PARD6G: variants seen among roughly 807,000 people sequenced by gnomAD.
The protein encoded by PARD6G is partitioning defective 6 homolog gamma.
PARD6G carries 7 observed loss-of-function variants against 10.7 expected under a neutral mutation model. That is an observed-to-expected ratio of 0.66 (90% CI 0.37 to 1.23). PARD6G has a LOEUF of 1.23. Among genes scored for constraint, PARD6G ranks in the 50% most tolerant of loss-of-function variants. The pLI, the probability that PARD6G is intolerant of heterozygous loss-of-function variation, is 0.02. For synonymous variants in PARD6G, 287 were observed against 269.4 expected (o/e 1.07, Z -0.64); for missense variants, 548 against 571.8 (o/e 0.96, Z 0.42).
intron 1 of PARD6G, among the ~76,000 whole-genome samples, chr18:80,222,007 A>G (rs957275376): frequency 6.6e-6 from 1 of 152,262 alleles, no homozygotes; most frequent in African/African-American, 2.4e-5. Context: ...AAACTACAGA[A>G]TATTGTTGAA....
rs2052702910 is a variant in PARD6G at position 80,161,882 on chromosome 18, A to G, written c.296-1276T>C. The stretch of plus-strand genomic sequence containing the variant: ...TTTCAGTGAGCAGGCAGGGCCCATT[A>G]TGACTTGCTTTGGAGATGGGGAATG... On this transcript the variant is annotated intron_variant, in intron 2 of 2. Coordinates refer to ENST00000353265, the MANE Select transcript of PARD6G (RefSeq NM_032510.4). The surrounding 1 kb of genome is among the most constrained non-coding windows in gnomAD (Gnocchi z 4.6). The G allele has an allele frequency of 6.6e-6, 1 of 152,290 alleles. No homozygotes were observed. Among genetic ancestry groups the G allele is most frequent in the South Asian group, 2.1e-4 (1 of 4,834 alleles). 9.4% of individuals were successfully genotyped at this position (152,290 alleles called of 1,614,324 possible). A position where few individuals can be genotyped will look rare whatever the true frequency, so the allele number is the denominator to read the frequency against.
chr18:80,200,270 G>A lies in PARD6G; in HGVS notation c.295+2440C>T, dbSNP rs1184206964. Among the ~76,000 whole-genome samples, 1 of 152,150 alleles carries A rather than the reference G, an allele frequency of 6.6e-6. No individual in the cohort carries two copies. Among genetic ancestry groups the A allele is most frequent in the Non-Finnish European group, 1.5e-5 (1 of 68,040 alleles). On this transcript the variant is annotated intron_variant, in intron 2 of 2. Transcript: ENST00000353265. The surrounding 1 kb of genome is among the most constrained non-coding windows in gnomAD (Gnocchi z 4.4). Reference sequence around the variant, plus strand: ...ACATCAGCACAGATTACTATGCAGGGAGGGTGCCTGACTGTGCACCGGAAA... The same window carrying A: ...ACATCAGCACAGATTACTATGCAGGAAGGGTGCCTGACTGTGCACCGGAAA...
chr18:80,246,607 A>G lies in PARD6G; in HGVS notation c.72+670T>C, dbSNP rs1017265071. 2.1e-3 allele frequency among the ~76,000 whole-genome samples: 19 copies of G among 9,194 alleles called. No individual in the cohort carries two copies. Among genetic ancestry groups the G allele is most frequent in the South Asian group, 0.012 (3 of 242 alleles). The allele number at this position is 9,194 out of a possible 152,430, so 6.0% of individuals were successfully genotyped here. ...GCGGGGGCGCGTCCGGAGGTGGGGG[A>G]GTCTGGGGTGGGGGCGCGCCCGTGG... On this transcript the variant is annotated intron_variant, in intron 1 of 2. Coordinates refer to ENST00000353265, the MANE Select transcript of PARD6G (RefSeq NM_032510.4). This position sits in a 1 kb window ranked among gnomAD's most constrained non-coding sequence, Gnocchi z 6.7.
Position 80,234,949 on chromosome 18 carries a change from C to T in PARD6G, c.72+12328G>A, listed in dbSNP as rs1180768068. Among the ~76,000 whole-genome samples, 10 of 151,954 alleles carry T rather than the reference C, an allele frequency of 6.6e-5. No homozygotes were observed. The South Asian group carries it at 1.0e-3, about 16-fold the overall frequency. On this transcript the variant is annotated intron_variant, in intron 1 of 2. Coordinates refer to ENST00000353265, the MANE Select transcript of PARD6G (RefSeq NM_032510.4). Reference sequence around the variant, plus strand: ...CCACTGTCAACATTAGACAGATCAACGAGACAGAAAATTAACAAGGATATC... The same window carrying T: ...CCACTGTCAACATTAGACAGATCAATGAGACAGAAAATTAACAAGGATATC...
intron 1 of PARD6G, among the ~76,000 whole-genome samples, chr18:80,232,503 GA>G (rs909363655): frequency 2.0e-5 from 3 of 151,932 alleles, no homozygotes; most frequent in Non-Finnish European, 4.4e-5. Context: ...GTGGCAGCAA[GA>G]AAAAAATGAG....
chr18:80,182,991 C>T lies in PARD6G; in HGVS notation c.295+19719G>A, dbSNP rs1195840529. On this transcript the variant is annotated intron_variant, in intron 2 of 2. Transcript: ENST00000353265. The surrounding 1 kb of genome is among the most constrained non-coding windows in gnomAD (Gnocchi z 4.5). ...CCAGTCCTCCTTCGTCCTGACGTGG[C>T]TCCCAGTGGAATGAGATGGCTGGGG... The T allele has an allele frequency of 1.1e-5, 7 of 663,002 alleles. No individual in the cohort carries two copies. The highest frequency in any genetic ancestry group is 1.9e-5 in the Non-Finnish European group (7 of 363,978). The allele number at this position is 663,002 out of a possible 1,614,324, so 41.1% of individuals were successfully genotyped here. A position where few individuals can be genotyped will look rare whatever the true frequency, so the allele number is the denominator to read the frequency against.
Position 80,199,737 on chromosome 18 carries a change from G to A in PARD6G, c.295+2973C>T, listed in dbSNP as rs542225592. 3.3e-5 allele frequency among the ~76,000 whole-genome samples: 5 copies of A among 152,270 alleles called. No individual in the cohort carries two copies. In the East Asian group the frequency reaches 9.6e-4, roughly 29 times the overall value. On this transcript the variant is annotated intron_variant, in intron 2 of 2. Coordinates refer to ENST00000353265, the MANE Select transcript of PARD6G (RefSeq NM_032510.4). Reference sequence around the variant, plus strand: ...GGCTCACTGCAACCTCTGCCTCCTGGGTTCAAGCGATTTCTCCTGCCTCAG... The same window carrying A: ...GGCTCACTGCAACCTCTGCCTCCTGAGTTCAAGCGATTTCTCCTGCCTCAG...
chr18:80,208,629 C>CA (rs1967077821), intron 1 of PARD6G, among the ~76,000 whole-genome samples: 3 of 152,084 alleles, frequency 2.0e-5, no homozygotes, highest in South Asian at 4.1e-4. Context: ...TCAAGCCAGG[C>CA]ATGGTGGTAT....
intron 2 of PARD6G, among the ~76,000 whole-genome samples, chr18:80,163,608 T>C (rs962063677): frequency 1.2e-4 from 19 of 152,150 alleles, no homozygotes; most frequent in Non-Finnish European, 2.4e-4. Context: ...GGTGGAAGCA[T>C]CTCGGCCATC....
chr18:80,196,538 A>C (rs1200281244), intron 2 of PARD6G, among the ~76,000 whole-genome samples: 1 of 152,218 alleles, frequency 6.6e-6, no homozygotes, highest in African/African-American at 2.4e-5. Context: ...CACAGACTCC[A>C]AGCAATATAA....
At chr18:80,174,446 G>A (rs2052796013) in intron 2 of PARD6G, among the ~76,000 whole-genome samples, 1 of 152,050 alleles carries the variant, frequency 6.6e-6, no homozygotes, top group South Asian at 2.1e-4. Flanking sequence ...GGGATTACAG[G>A]CATGAACCAC....
In PARD6G at chr18:80,246,061, G is replaced by C. The variant is rs953729369; in HGVS notation, c.72+1216C>G. Among the ~76,000 whole-genome samples, 11 of 152,080 alleles carry C rather than the reference G, an allele frequency of 7.2e-5. No individual in the cohort carries two copies. Among genetic ancestry groups the C allele is most frequent in the African/African-American group, 2.4e-4 (10 of 41,404 alleles). ...ACTCCAAAGGTCAGAGCAGCACAGCGAGAGGGGGCTGTTGGACTTGCCTCC... is the reference window on the plus strand; with the variant it reads ...ACTCCAAAGGTCAGAGCAGCACAGCCAGAGGGGGCTGTTGGACTTGCCTCC... On this transcript the variant is annotated intron_variant, in intron 1 of 2. Coordinates refer to ENST00000353265, the MANE Select transcript of PARD6G (RefSeq NM_032510.4). This position sits in a 1 kb window ranked among gnomAD's most constrained non-coding sequence, Gnocchi z 6.7.
chr18:80,237,593 T>G (rs377378913), intron 1 of PARD6G, among the ~76,000 whole-genome samples: 1 of 152,104 alleles, frequency 6.6e-6, no homozygotes, highest in Admixed American at 6.6e-5. Context: ...ATTTTTGCAA[T>G]CTACTCATCT....
chr18:80,167,072 A>G (rs1046743860), intron 2 of PARD6G, among the ~76,000 whole-genome samples: 1 of 152,174 alleles, frequency 6.6e-6, no homozygotes, highest in African/African-American at 2.4e-5. Flanking sequence ...ACAATGGCCA[A>G]TCAAAACAGT....
intron 2 of PARD6G, among the ~76,000 whole-genome samples, chr18:80,194,902 G>C (rs1348475106): frequency 6.6e-6 from 1 of 152,172 alleles, no homozygotes; most frequent in Non-Finnish European, 1.5e-5. Context: ...CTGCAGCAGA[G>C]ATATGACTAG....
intron 1 of PARD6G, among the ~76,000 whole-genome samples, chr18:80,244,083 A>G (rs1967517349): frequency 6.6e-6 from 1 of 151,866 alleles, no homozygotes; most frequent in African/African-American, 2.4e-5. Flanking sequence ...ATTCATCTCC[A>G]TTTACCGCCC....
At chr18:80,203,361 A>G (rs1484914812) in intron 1 of PARD6G, among the ~76,000 whole-genome samples, 2 of 152,292 alleles carry the variant, frequency 1.3e-5, no homozygotes, top group African/African-American at 2.4e-5. Context: ...CAGTGACTAA[A>G]TAAGAAATTA....
rs958910226 is a variant in PARD6G, at chr18:80,158,255, C to T, written c.*1516G>A. On this transcript the variant is annotated 3_prime_UTR_variant, in exon 3 of 3. Coordinates refer to ENST00000353265, the MANE Select transcript of PARD6G (RefSeq NM_032510.4). ...TGACCATTCTAGAAATGAAAATTAG[C>T]ATGTATTGTGACTTACTAAAAGAAA... 2 of 152,180 alleles carry T rather than the reference C, an allele frequency of 1.3e-5. No individual in the cohort carries two copies. Among genetic ancestry groups the T allele is most frequent in the African/African-American group, 4.8e-5 (2 of 41,434 alleles). 9.4% of individuals were successfully genotyped at this position (152,180 alleles called of 1,614,324 possible).
At chr18:80,168,428 A>G (rs1425445047) in intron 2 of PARD6G, among the ~76,000 whole-genome samples, 2 of 152,160 alleles carry the variant, frequency 1.3e-5, no homozygotes, top group African/African-American at 2.4e-5. Flanking sequence ...ACCTTTTTAC[A>G]AGAAAAAAAT....
Sources: allele counts gnomAD v4.1 joint callset (sites outside exome capture counted in the v4.1 genomes callset), GRCh38; gene constraint gnomAD v4.1.1; non-coding constraint Gnocchi (gnomAD v3.1); transcripts MANE v1.5; gene names NCBI Gene and HGNC (gene_info 2026-07-23, HGNC 2026-07-21).